The following CLSTN1 variants were observed in gnomAD, a reference collection of about 807,000 sequenced individuals.
CLSTN1 encodes the protein calsyntenin-1.
Under a neutral mutation model 108.3 loss-of-function variants are expected in CLSTN1, and 28 were observed. The observed-to-expected ratio is 0.26, with a 90% CI of 0.19 to 0.35. The LOEUF is 0.35. CLSTN1 is among the 10% of genes least tolerant of loss of function. CLSTN1 has a pLI of 1.00. For missense variants in CLSTN1, 1,157 were observed against 1,302.6 expected (o/e 0.89, Z 1.72); for synonymous variants, 524 against 534.9 (o/e 0.98, Z 0.28).
chr1:9,807,808 G>A (rs1345833396), intron 1 of CLSTN1, among the ~76,000 whole-genome samples: 2 of 152,246 alleles, frequency 1.3e-5, no homozygotes, highest in East Asian at 1.9e-4. Flanking sequence ...GCTTCCTGAC[G>A]TGCTTCTGCA....
chr1:9,762,439 C>T lies in CLSTN1; in HGVS notation c.215-5929G>A, dbSNP rs537448865. ...TCACGCCACTGCACTCCAGCCTAGGCGACAGAGCGAGACTCTGTCTCAAAA... is the reference window on the plus strand; with the variant it reads ...TCACGCCACTGCACTCCAGCCTAGGTGACAGAGCGAGACTCTGTCTCAAAA... On this transcript the variant is annotated intron_variant, in intron 2 of 18. Coordinates refer to ENST00000377298, the MANE Select transcript of CLSTN1 (RefSeq NM_001009566.3). 5.3e-5 allele frequency among the ~76,000 whole-genome samples: 8 copies of T among 149,572 alleles called. No individual in the cohort carries two copies. In the East Asian group the frequency reaches 1.4e-3, roughly 26 times the overall value.
chr1:9,823,572 G>T lies in CLSTN1; in HGVS notation c.91+71C>A. 1 of 1,038,006 alleles carries T rather than the reference G, an allele frequency of 9.6e-7. No homozygotes were observed. Among genetic ancestry groups the T allele is most frequent in the Non-Finnish European group, 1.2e-6 (1 of 829,862 alleles). 64.3% of individuals were successfully genotyped at this position (1,038,006 alleles called of 1,614,324 possible). ...GCACCCGGACCCGAATCCCCGCACC[G>T]GGACCCGAATCCTGCACCCGGACCC... On this transcript the variant is annotated intron_variant, in intron 1 of 18. Coordinates refer to ENST00000377298, the MANE Select transcript of CLSTN1 (RefSeq NM_001009566.3). This position sits in a 1 kb window ranked among gnomAD's most constrained non-coding sequence, Gnocchi z 6.3.
In CLSTN1 at chr1:9,749,773, CA is replaced by C. The variant is rs1651464164; in HGVS notation, c.789del (p.Trp265GlyfsTer41). On this transcript the variant is annotated frameshift_variant, in exon 6 of 19. Coordinates refer to ENST00000377298, the MANE Select transcript of CLSTN1 (RefSeq NM_001009566.3). LOFTEE classifies it high-confidence loss of function. Reference protein sequence around the residue: ...VKISIKPTCTPGWQGWNNRIE... With the variant: ...VKISIKPTCTXGWQGWNNRIE... ...AGAGAATGAAGCTCACCTTGCCACCCAGGGGTGCAGGTGGGCTTAATGCTGA... is the reference window on the plus strand; with the variant it reads ...AGAGAATGAAGCTCACCTTGCCACCCGGGGTGCAGGTGGGCTTAATGCTGA... 6.2e-7 allele frequency: 1 copy of C among 1,613,976 alleles called. No homozygotes were observed. The highest frequency in any genetic ancestry group is 1.3e-5 in the African/African-American group (1 of 74,936).
intron 1 of CLSTN1, among the ~76,000 whole-genome samples, chr1:9,779,182 T>C (rs1449843377): frequency 6.6e-6 from 1 of 152,220 alleles, no homozygotes; most frequent in Non-Finnish European, 1.5e-5. Context: ...GCATCAGGTC[T>C]GAAACGGCTC....
intron 7 of CLSTN1, among the ~76,000 whole-genome samples, chr1:9,747,017 T>G (rs1651299956): frequency 6.7e-6 from 1 of 149,508 alleles, no homozygotes; most frequent in Non-Finnish European, 1.5e-5. Flanking sequence ...CCATCTCTAC[T>G]AAACATACAA....
intron 1 of CLSTN1, among the ~76,000 whole-genome samples, chr1:9,780,591 A>T (rs544813138): frequency 6.6e-6 from 1 of 152,344 alleles, no homozygotes; most frequent in South Asian, 2.1e-4. Flanking sequence ...AGTTCCAAAC[A>T]CTGAACTTTT....
In CLSTN1 at chr1:9,823,281, C is replaced by T. The variant is rs542200902; in HGVS notation, c.91+362G>A. 1.4e-4 allele frequency among the ~76,000 whole-genome samples: 21 copies of T among 152,358 alleles called. No homozygotes were observed. Among genetic ancestry groups the T allele is most frequent in the African/African-American group, 4.6e-4 (19 of 41,600 alleles). ...TGCGCCGCTGAGCAGGGCGGACTGA[C>T]CCTTCGGCCCGTCTGCACGTTCCCC... On this transcript the variant is annotated intron_variant, in intron 1 of 18. Transcript: ENST00000377298. The surrounding 1 kb of genome is among the most constrained non-coding windows in gnomAD (Gnocchi z 6.3).
intron 2 of CLSTN1, among the ~76,000 whole-genome samples, chr1:9,761,683 A>C (rs954848071): frequency 1.3e-5 from 2 of 152,114 alleles, no homozygotes; most frequent in African/African-American, 4.8e-5. Flanking sequence ...CCCCAGCTTT[A>C]GGCTGGCCCT....
intron 1 of CLSTN1, among the ~76,000 whole-genome samples, chr1:9,773,678 G>A (rs1335924646): frequency 2.0e-5 from 3 of 152,138 alleles, no homozygotes; most frequent in Non-Finnish European, 2.9e-5. Flanking sequence ...ATGGCTACGG[G>A]AAGACTATCT....
chr1:9,820,038 T>A (rs1655134043), intron 1 of CLSTN1, among the ~76,000 whole-genome samples: 1 of 152,070 alleles, frequency 6.6e-6, no homozygotes, highest in Admixed American at 6.6e-5. Context: ...AACTTTTTTT[T>A]TTTTTTTGGT....
At chr1:9,809,246 C>T (rs1054330016) in intron 1 of CLSTN1, among the ~76,000 whole-genome samples, 3 of 152,186 alleles carry the variant, frequency 2.0e-5, no homozygotes, top group Non-Finnish European at 2.9e-5. Flanking sequence ...ACACACACCC[C>T]CCAGCCTCCA....
At chr1:9,767,683 G>A (rs1038071163) in intron 2 of CLSTN1, among the ~76,000 whole-genome samples, 3 of 152,026 alleles carry the variant, frequency 2.0e-5, no homozygotes, top group African/African-American at 7.2e-5. Flanking sequence ...TCAACATGGT[G>A]CGAAATTAAA....
chr1:9,794,015 C>G (rs1411717365), intron 1 of CLSTN1, among the ~76,000 whole-genome samples: 1 of 151,422 alleles, frequency 6.6e-6, no homozygotes, highest in Non-Finnish European at 1.5e-5. Flanking sequence ...TTCTTCACAG[C>G]CCCACTAACA....
chr1:9,777,334 A>G (rs1653004691), intron 1 of CLSTN1, among the ~76,000 whole-genome samples: 1 of 151,936 alleles, frequency 6.6e-6, no homozygotes, highest in Non-Finnish European at 1.5e-5. Context: ...AGCCTGACCA[A>G]TATGGTAAAA....
At chr1:9,769,772 G>C (rs542270882) in intron 2 of CLSTN1, among the ~76,000 whole-genome samples, 1 of 152,230 alleles carries the variant, frequency 6.6e-6, no homozygotes, top group South Asian at 2.1e-4. Context: ...GCAGGGCGCG[G>C]TGGCTCACGC....
intron 2 of CLSTN1, among the ~76,000 whole-genome samples, chr1:9,762,868 T>C (rs1028658823): frequency 2.0e-5 from 3 of 152,218 alleles, no homozygotes; most frequent in Non-Finnish European, 1.5e-5. Context: ...GTCCCTGACG[T>C]TGGGTGACCT....
At chr1:9,810,816 A>T (rs551430012) in intron 1 of CLSTN1, among the ~76,000 whole-genome samples, 1 of 152,122 alleles carries the variant, frequency 6.6e-6, no homozygotes, top group African/African-American at 2.4e-5. Flanking sequence ...AAATAAATAA[A>T]AATAAAATCT....
intron 1 of CLSTN1, among the ~76,000 whole-genome samples, chr1:9,790,870 A>C (rs932371111): frequency 1.3e-5 from 2 of 151,208 alleles, no homozygotes; most frequent in African/African-American, 4.8e-5. Flanking sequence ...GCGGCGGCTC[A>C]CGCCTGTAAT....
intron 1 of CLSTN1, among the ~76,000 whole-genome samples, chr1:9,795,025 A>G (rs59983212): frequency 0.012 from 1,851 of 151,370 alleles, 46 homozygotes; most frequent in African/African-American, 0.043. Flanking sequence ...TAATCAGAAA[A>G]AAAAAAAAGA....
Sources: gnomAD v4.1 joint callset for allele counts (sites outside exome capture counted in the v4.1 genomes callset) on GRCh38, gnomAD v4.1.1 for gene constraint, Gnocchi (gnomAD v3.1) non-coding constraint, MANE v1.5 for transcripts, NCBI Gene and HGNC (gene_info 2026-07-23, HGNC 2026-07-21) for gene names.